ABL2: variants seen among roughly 807,000 people sequenced by gnomAD.
The protein encoded by ABL2 is tyrosine-protein kinase ABL2.
Under a neutral mutation model 107.7 loss-of-function variants are expected in ABL2, and 49 were observed. The observed-to-expected ratio is 0.45, with a 90% confidence interval of 0.36 to 0.58. The LOEUF (loss-of-function observed/expected upper bound fraction) is 0.58, where lower values mean the gene tolerates loss of function less well. Among genes scored for constraint, ABL2 ranks in the 20% least tolerant of loss-of-function variants. The pLI, the probability that ABL2 is intolerant of heterozygous loss-of-function variation, is 0.00. For synonymous variants in ABL2, 549 were observed against 548.6 expected (o/e 1.00, Z -0.01); for missense variants, 1,245 against 1,457.0 (o/e 0.85, Z 2.37).
intron 1 of ABL2, 84 bp downstream of exon 1, chr1:179,229,157 G>T (rs1663397679): frequency 7.7e-7 from 1 of 1,304,566 alleles, no homozygotes; most frequent in Non-Finnish European, 1.0e-6. Flanking sequence ...CCGACCCCTC[G>T]GGCAGCCCGT....
At chr1:179,224,152 A>AAAAAAAC (rs1663057039) in intron 1 of ABL2, among the ~76,000 whole-genome samples, 1 of 150,308 alleles carries the variant, frequency 6.7e-6, no homozygotes, top group Non-Finnish European at 1.5e-5. Context: ...AAAAAAAAAA[A>AAAAAAAC]AAAAAACTAC....
Position 179,101,492 on chromosome 1 carries a change from G to C in ABL2, c.*6226C>G, listed in dbSNP as rs1653087392. ...CCTGGGTTCAAGCAATTCTGCCTCA[G>C]CCTCGGGAGTAGCTGGGATTACAGG... On this transcript the variant is annotated 3_prime_UTR_variant, in exon 12 of 12. Coordinates refer to ENST00000502732, the MANE Select transcript of ABL2 (RefSeq NM_007314.4). The C allele has an allele frequency of 5.7e-6, 1 of 175,552 alleles. No homozygotes were observed. Among genetic ancestry groups the C allele is most frequent in the Non-Finnish European group, 1.2e-5 (1 of 81,876 alleles). The allele number at this position is 175,552 out of a possible 1,614,324, so 10.9% of individuals were successfully genotyped here. A position where few individuals can be genotyped will look rare whatever the true frequency, so the allele number is the denominator to read the frequency against.
At chr1:179,203,899 G>A (rs1005827877) in intron 1 of ABL2, among the ~76,000 whole-genome samples, 7 of 152,120 alleles carry the variant, frequency 4.6e-5, no homozygotes, top group African/African-American at 1.2e-4. Context: ...CCTTGCGCAC[G>A]TTATTTAACA....
rs774419128 is a variant in ABL2, at chr1:179,118,779, A to T, written c.1046-15T>A. 5.6e-6 allele frequency: 9 copies of T among 1,611,924 alleles called. No individual in the cohort carries two copies. The highest frequency in any genetic ancestry group is 7.6e-6 in the Non-Finnish European group (9 of 1,178,698). On this transcript the variant is annotated splice_polypyrimidine_tract_variant and intron_variant, in intron 6 of 11. Coordinates refer to ENST00000502732, the MANE Select transcript of ABL2 (RefSeq NM_007314.4). ...AGTACACACACCTAAAAGTTGAACA[A>T]TAGTGCTTGTTTTTATTAGTGTACA... is the stretch of plus-strand genomic sequence containing the variant.
Position 179,108,601 on chromosome 1 carries a change from T to C in ABL2, c.2666A>G (p.Lys889Arg). The change falls in exon 12 of 12, where the codon AAG (lysine) becomes AGG (arginine). Residue 889 changes from lysine (K) to arginine (R), a missense_variant. Lys to Arg is a conservative substitution (Grantham distance 26, BLOSUM62 2). This residue lies in a region of ABL2 where 761 missense variants were observed against 766.4 expected (regional missense o/e 0.99). Transcript: ENST00000502732. ...VGVAGVAAAP[K>R]GKEKNGGARL... The stretch of plus-strand genomic sequence containing the variant: ...TGCCCCACCATTCTTCTCTTTACCC[T>C]TGGGGGCAGCTGCCACTCCAGCCAC... 3 of 1,614,104 alleles carry C rather than the reference T, an allele frequency of 1.9e-6. No individual in the cohort carries two copies. The highest frequency in any genetic ancestry group is 1.1e-5 in the South Asian group (1 of 91,078).
At chr1:179,115,418 C>T (rs960197931) in intron 8 of ABL2, among the ~76,000 whole-genome samples, 2 of 152,258 alleles carry the variant, frequency 1.3e-5, no homozygotes, top group South Asian at 2.1e-4. Context: ...TCACAGTCAA[C>T]CAAGGTCCAA....
chr1:179,155,965 A>G (rs1658663935), intron 1 of ABL2, among the ~76,000 whole-genome samples: 1 of 152,174 alleles, frequency 6.6e-6, no homozygotes, highest in Non-Finnish European at 1.5e-5. Context: ...ATCTCACCAA[A>G]AAAGACAATG....
chr1:179,131,277 T>G (rs770458715), intron 3 of ABL2, 34 bp downstream of exon 3: 13 of 1,597,576 alleles, frequency 8.1e-6, no homozygotes, highest in Non-Finnish European at 1.0e-5. Context: ...TAATGAAAAC[T>G]GAAAAGTGAA....
chr1:179,221,094 C>T, intron 1 of ABL2: 1 of 241,782 alleles, frequency 4.1e-6, no homozygotes, highest in South Asian at 7.3e-5. Context: ...GACCTCCCAC[C>T]CCTCAGATGT....
chr1:179,212,000 A>G (rs1662303442), intron 1 of ABL2, among the ~76,000 whole-genome samples: 1 of 152,172 alleles, frequency 6.6e-6, no homozygotes, highest in Non-Finnish European at 1.5e-5. Flanking sequence ...TGCATAATTT[A>G]TAAAGGAAAG....
intron 1 of ABL2, among the ~76,000 whole-genome samples, chr1:179,139,777 G>A (rs927054334): frequency 6.6e-6 from 1 of 152,128 alleles, no homozygotes; most frequent in Non-Finnish European, 1.5e-5. Flanking sequence ...TCAGATTAGT[G>A]GAGGCATTTG....
At chr1:179,153,649 A>G (rs1658501365) in intron 1 of ABL2, among the ~76,000 whole-genome samples, 2 of 152,084 alleles carry the variant, frequency 1.3e-5, no homozygotes, top group African/African-American at 4.8e-5. Flanking sequence ...TAAGCTCCCC[A>G]TCACATGTAT....
At chr1:179,206,395 A>G (rs549220751) in intron 1 of ABL2, among the ~76,000 whole-genome samples, 1 of 152,268 alleles carries the variant, frequency 6.6e-6, no homozygotes, top group African/African-American at 2.4e-5. Context: ...CATGTCTAAA[A>G]TGACACATAT....
In ABL2 at chr1:179,146,543, A is replaced by C. The variant is rs897271295; in HGVS notation, c.158-13169T>G. ...ATATCTTGAGGTTGAGTCCCAAGTG[A>C]TATGGTTTGGCTGTGTCCCTACCCA... On this transcript the variant is annotated intron_variant, in intron 1 of 11. Transcript: ENST00000502732. Among the ~76,000 whole-genome samples, 15 of 152,282 alleles carry C rather than the reference A, an allele frequency of 9.9e-5. No homozygotes were observed. In the East Asian group the frequency reaches 2.7e-3, roughly 27 times the overall value.
At chr1:179,205,141 C>G (rs1038350619) in intron 1 of ABL2, among the ~76,000 whole-genome samples, 1 of 151,934 alleles carries the variant, frequency 6.6e-6, no homozygotes, top group East Asian at 1.9e-4. Context: ...ATTCTCCTGC[C>G]TCAGCCTCCT....
Position 179,107,547 on chromosome 1 carries a change from T to G in ABL2, c.*171A>C. The G allele has an allele frequency of 7.4e-7, 1 of 1,351,266 alleles. No homozygotes were observed. The highest frequency in any genetic ancestry group is 9.8e-7 in the Non-Finnish European group (1 of 1,024,168). The allele number at this position is 1,351,266 out of a possible 1,614,324, so 83.7% of individuals were successfully genotyped here. On this transcript the variant is annotated 3_prime_UTR_variant, in exon 12 of 12. Coordinates refer to ENST00000502732, the MANE Select transcript of ABL2 (RefSeq NM_007314.4). ...CTCTCCTATACTTATGTGGTTTGCT[T>G]CTTATTTTTGAGATGAAACTGTAAA...
At chr1:179,228,996 C>A (rs997470160) in intron 1 of ABL2, among the ~76,000 whole-genome samples, 2 of 152,196 alleles carry the variant, frequency 1.3e-5, no homozygotes, top group Non-Finnish European at 2.9e-5. Flanking sequence ...ACAGACCATC[C>A]AGGGTCCCCA....
In ABL2 at chr1:179,109,277, T is replaced by A. The variant is rs141450341; in HGVS notation, c.1990A>T (p.Thr664Ser). 123 of 1,613,852 alleles carry A rather than the reference T, an allele frequency of 7.6e-5. No individual in the cohort carries two copies. The Middle Eastern group carries it at 8.2e-4, about 11-fold the overall frequency. ...AAGGAGCTGCTGCGTTTGGGGGGTGTAGGAGCATTTCTCTTCTTCATGAAG... is the reference window on the plus strand; with the variant it reads ...AAGGAGCTGCTGCGTTTGGGGGGTGAAGGAGCATTTCTCTTCTTCATGAAG... ...SSFMKKRNAP[T>S]PPKRSSSFRE... The change falls in exon 12 of 12, where the codon ACA (threonine) becomes TCA (serine). Residue 664 changes from threonine to serine, a missense_variant. Around this residue, in one of 3 missense-constraint regions of ABL2, gnomAD observed 761 missense variants for 766.4 expected, o/e 0.99. Transcript: ENST00000502732.
intron 4 of ABL2, among the ~76,000 whole-genome samples, chr1:179,122,171 C>T (rs1390993369): frequency 1.3e-5 from 2 of 151,366 alleles, no homozygotes; most frequent in African/African-American, 4.9e-5. Context: ...GCCTCAGCCT[C>T]CCAAAGTGCT....
Sources: gnomAD v4.1 joint callset for allele counts (sites outside exome capture counted in the v4.1 genomes callset) on GRCh38, gnomAD v4.1.1 for gene constraint, gnomAD v4.1.1 regional missense constraint, MANE v1.5 for transcripts, NCBI Gene and HGNC (gene_info 2026-07-23, HGNC 2026-07-21) for gene names.